The following ELAPOR2 variants were observed in gnomAD, a reference collection of about 807,000 sequenced individuals.
ELAPOR2 encodes the protein endosome-lysosome associated apoptosis and autophagy regulator family member 2.
In ELAPOR2, 89 loss-of-function variants were observed where a neutral mutation model predicts 120.7. The ratio of observed to expected loss-of-function variants is 0.74; its 90% CI spans 0.62 to 0.88. The LOEUF is 0.88. Ranked by LOEUF, ELAPOR2 falls within the 40% of genes least tolerant of loss-of-function variation. The probability of loss-of-function intolerance (pLI) is 0.00; values close to 1 mark genes in which losing one functional copy is unlikely to be tolerated. For missense variants in ELAPOR2, 1,134 were observed against 1,251.6 expected, an observed-to-expected ratio of 0.91 and a Z score of 1.42; for synonymous variants, 444 against 444.9, an observed-to-expected ratio of 1.00 and a Z score of 0.03.
At chr7:86,999,068 T>C (rs1455246565) in intron 1 of ELAPOR2, among the ~76,000 whole-genome samples, 1 of 152,080 alleles carries the variant, frequency 6.6e-6, no homozygotes, top group Non-Finnish European at 1.5e-5. Context: ...TCTCTTCCTA[T>C]TTCAGGTGTT....
chr7:86,992,231 C>G (rs1328560336), intron 1 of ELAPOR2, among the ~76,000 whole-genome samples: 2 of 152,018 alleles, frequency 1.3e-5, no homozygotes, highest in South Asian at 4.2e-4. Flanking sequence ...TTTAAGACAC[C>G]CAACCCCCAA....
intron 1 of ELAPOR2, among the ~76,000 whole-genome samples, chr7:87,023,279 A>G (rs1242171612): frequency 1.3e-5 from 2 of 152,216 alleles, no homozygotes; most frequent in Non-Finnish European, 2.9e-5. Flanking sequence ...AGCTTTCTAC[A>G]TATGGCTAGC....
At chr7:86,925,172 C>G (rs1790010920) in intron 10 of ELAPOR2, among the ~76,000 whole-genome samples, 1 of 151,928 alleles carries the variant, frequency 6.6e-6, no homozygotes, top group African/African-American at 2.4e-5. Context: ...CTGAGCCAGA[C>G]TAATCAAGAC....
chr7:86,965,938 T>C, intron 1 of ELAPOR2: 1 of 985,412 alleles, frequency 1.0e-6, no homozygotes, highest in Non-Finnish European at 1.2e-6. Flanking sequence ...ACATCAGGAA[T>C]GAGAAGGCCA....
At chr7:87,020,033 A>G (rs2116695353) in intron 1 of ELAPOR2, among the ~76,000 whole-genome samples, 1 of 152,280 alleles carries the variant, frequency 6.6e-6, no homozygotes, top group South Asian at 2.1e-4. Flanking sequence ...ATATTTTCTT[A>G]TAACACATCA....
chr7:86,954,880 C>T lies in ELAPOR2; in HGVS notation c.311-6958G>A, dbSNP rs76203934. Among the ~76,000 whole-genome samples the T allele has an allele frequency of 4.0e-4, 61 of 152,092 alleles. No homozygotes were observed. In the East Asian group the frequency reaches 6.2e-3, roughly 15 times the overall value. ...CAAACCATAGACATTCTTATATCGA[C>T]GACACGCTGATGCTCTTGCAACTGT... On this transcript the variant is annotated intron_variant, in intron 2 of 21. Coordinates refer to ENST00000450689, the MANE Select transcript of ELAPOR2 (RefSeq NM_001142749.3).
intron 1 of ELAPOR2, among the ~76,000 whole-genome samples, chr7:86,978,757 T>C (rs1253346137): frequency 1.3e-5 from 2 of 152,240 alleles, no homozygotes; most frequent in East Asian, 3.9e-4. Flanking sequence ...TTACACCTCT[T>C]TATCTTGTAA....
chr7:86,981,875 A>G (rs534134934), intron 1 of ELAPOR2, among the ~76,000 whole-genome samples: 120 of 152,356 alleles, frequency 7.9e-4, no homozygotes, highest in Non-Finnish European at 1.4e-3. Flanking sequence ...ACTGGGAAGC[A>G]CAAGGGGTCA....
intron 10 of ELAPOR2, among the ~76,000 whole-genome samples, chr7:86,923,089 C>G (rs997422507): frequency 2.6e-5 from 4 of 151,678 alleles, no homozygotes; most frequent in African/African-American, 9.7e-5. Flanking sequence ...AATCTATTTC[C>G]TGTTTTTCTT....
At chr7:86,982,898 G>A (rs1038687047) in intron 1 of ELAPOR2, among the ~76,000 whole-genome samples, 1 of 127,524 alleles carries the variant, frequency 7.8e-6, no homozygotes, top group African/African-American at 3.4e-5. Flanking sequence ...CCGAGCTAAA[G>A]GAGGATTTCA....
In ELAPOR2 at chr7:86,940,086, G is replaced by C; in HGVS notation, c.771C>G (p.Leu257=). The C allele has an allele frequency of 6.2e-7, 1 of 1,611,938 alleles. No homozygotes were observed. The highest frequency in any genetic ancestry group is 8.5e-7 in the Non-Finnish European group (1 of 1,178,562). ...SVMLKSGTNI[L]YWRTTGILMG... ...TAAGGATGCCTGTAGTTCTCCAGTA[G>C]AGTATGTTTGTGCCTGATTTCAGCA... is the stretch of plus-strand genomic sequence containing the variant. Residue 257 remains leucine (L), a synonymous_variant, in exon 6 of 22, where the codon CTC becomes CTG. Transcript: ENST00000450689.
intron 1 of ELAPOR2, among the ~76,000 whole-genome samples, chr7:87,049,629 T>C (rs2129017443): frequency 6.6e-6 from 1 of 152,208 alleles, no homozygotes; most frequent in South Asian, 2.1e-4. Flanking sequence ...GACAATTGAG[T>C]AGAAACCTGA....
At chr7:86,988,665 T>G (rs1257058130) in intron 1 of ELAPOR2, among the ~76,000 whole-genome samples, 2 of 152,144 alleles carry the variant, frequency 1.3e-5, no homozygotes, top group African/African-American at 4.8e-5. Context: ...TACAAAACAG[T>G]TTAAAGACAG....
chr7:86,953,093 CAA>C lies in ELAPOR2; in HGVS notation c.311-5173_311-5172del, dbSNP rs11351621. Among the ~76,000 whole-genome samples, 258 of 99,566 alleles carry C rather than the reference CAA, an allele frequency of 2.6e-3. 2 individuals are homozygous for C. Among genetic ancestry groups the C allele is most frequent in the African/African-American group, 4.1e-3 (107 of 26,376 alleles). The allele number at this position is 99,566 out of a possible 152,430, so 65.3% of individuals were successfully genotyped here. On this transcript the variant is annotated intron_variant, in intron 2 of 21. Transcript: ENST00000450689. ...CCTGGGCAACAGAGCAAGCCTCTGTCAAAAAAAAAAAAAAAAAACCCACACAA... is the reference window on the plus strand; with the variant it reads ...CCTGGGCAACAGAGCAAGCCTCTGTCAAAAAAAAAAAAAAAACCCACACAA...
chr7:86,903,650 C>T (rs1471614049), intron 18 of ELAPOR2, among the ~76,000 whole-genome samples: 1 of 152,148 alleles, frequency 6.6e-6, no homozygotes, highest in Non-Finnish European at 1.5e-5. Flanking sequence ...GAGTGTTTGA[C>T]CCTTGAATAT....
intron 1 of ELAPOR2, among the ~76,000 whole-genome samples, chr7:86,977,455 C>A (rs947172049): frequency 2.0e-5 from 3 of 152,178 alleles, no homozygotes; most frequent in East Asian, 1.9e-4. Flanking sequence ...CTAGCAACAT[C>A]CCCTTTCACC....
Position 87,022,085 on chromosome 7 carries a change from A to G in ELAPOR2, c.189+37240T>C, listed in dbSNP as rs188165188. Among the ~76,000 whole-genome samples the G allele has an allele frequency of 9.1e-4, 138 of 152,150 alleles. 1 individual carries two copies. The highest frequency in any genetic ancestry group is 3.2e-3 in the African/African-American group (135 of 41,546). The stretch of plus-strand genomic sequence containing the variant: ...TAAACTAAAATTTATTTATTTATTT[A>G]TTTTGTATTATACTTTAAGTTTTAG... On this transcript the variant is annotated intron_variant, in intron 1 of 21. Transcript: ENST00000450689.
chr7:86,923,113 T>C lies in ELAPOR2; in HGVS notation c.1399+2415A>G, dbSNP rs1267252872. 3.3e-5 allele frequency among the ~76,000 whole-genome samples: 5 copies of C among 151,964 alleles called. No individual in the cohort carries two copies. In the East Asian group the frequency reaches 9.7e-4, roughly 29 times the overall value. On this transcript the variant is annotated intron_variant, in intron 10 of 21. Coordinates refer to ENST00000450689, the MANE Select transcript of ELAPOR2 (RefSeq NM_001142749.3). ...CCTGTTTTTCTTTCATTTAGCATGGTCTTCTGATTTTTCTGATCATCATTC... is the reference window on the plus strand; with the variant it reads ...CCTGTTTTTCTTTCATTTAGCATGGCCTTCTGATTTTTCTGATCATCATTC...
At chr7:86,885,360 T>C (rs559152211) in intron 21 of ELAPOR2, among the ~76,000 whole-genome samples, 92 of 152,292 alleles carry the variant, frequency 6.0e-4, no homozygotes, top group African/African-American at 2.2e-3. Context: ...CTGTTCAACA[T>C]AGGCCTTTGG....
Sources: allele counts gnomAD v4.1 joint callset (sites outside exome capture counted in the v4.1 genomes callset), GRCh38; gene constraint gnomAD v4.1.1; transcripts MANE v1.5; gene names NCBI Gene and HGNC (gene_info 2026-07-23, HGNC 2026-07-21).